Variants in ARHGAP26 observed in about 807,000 individuals in gnomAD.
ARHGAP26 encodes the protein rho GTPase-activating protein 26.
A neutral mutation model predicts 104.8 loss-of-function variants in ARHGAP26; 38 were observed. That is an observed-to-expected ratio of 0.36 (90% CI 0.28 to 0.48). The LOEUF (loss-of-function observed/expected upper bound fraction) is 0.48. Among genes scored for constraint, ARHGAP26 ranks in the 20% least tolerant of loss-of-function variants. ARHGAP26 has a pLI of 0.99. For synonymous variants in ARHGAP26, 341 were observed against 340.0 expected (o/e 1.00, Z -0.03); for missense variants, 704 against 947.9 (o/e 0.74, Z 3.38).
chr5:142,962,757 A>C (rs1770475528), intron 11 of ARHGAP26, among the ~76,000 whole-genome samples: 1 of 152,194 alleles, frequency 6.6e-6, no homozygotes, highest in African/African-American at 2.4e-5. Flanking sequence ...GAGGGTGGGC[A>C]CAACTTTTTC....
intron 17 of ARHGAP26, among the ~76,000 whole-genome samples, chr5:143,069,383 A>G (rs1304954185): frequency 6.6e-6 from 1 of 152,072 alleles, no homozygotes; most frequent in Non-Finnish European, 1.5e-5. Context: ...AGTGGAAAAT[A>G]TCCAGGTAAC....
chr5:143,209,915 C>T (rs1480717891), intron 21 of ARHGAP26, among the ~76,000 whole-genome samples: 4 of 152,112 alleles, frequency 2.6e-5, no homozygotes, highest in African/African-American at 9.7e-5. Context: ...TAGTGTATAG[C>T]AAAGAGGTGG....
intron 18 of ARHGAP26, among the ~76,000 whole-genome samples, chr5:143,133,220 C>CA (rs142568008): frequency 8.7e-5 from 13 of 149,790 alleles, no homozygotes; most frequent in South Asian, 4.2e-4. Context: ...GCCCCTCCTC[C>CA]AAAAAAAAAG....
chr5:143,180,435 A>G (rs773795888), intron 20 of ARHGAP26, among the ~76,000 whole-genome samples: 1 of 152,148 alleles, frequency 6.6e-6, no homozygotes, highest in Non-Finnish European at 1.5e-5. Flanking sequence ...TCTTAACTCC[A>G]GTTGATCTTG....
At chr5:142,913,477 A>T (rs552793365) in intron 10 of ARHGAP26, among the ~76,000 whole-genome samples, 184 bp downstream of exon 10, 9 of 143,678 alleles carry the variant, frequency 6.3e-5, no homozygotes, top group African/African-American at 2.4e-4. Flanking sequence ...TGCTGGATCC[A>T]GGCTATTGCT....
chr5:143,061,471 C>T (rs1038289899), intron 17 of ARHGAP26, among the ~76,000 whole-genome samples: 1 of 152,134 alleles, frequency 6.6e-6, no homozygotes, highest in African/African-American at 2.4e-5. Flanking sequence ...ATTAAAAATA[C>T]CTTTTCACAG....
At chr5:143,129,496 T>G (rs1244650171) in intron 18 of ARHGAP26, among the ~76,000 whole-genome samples, 1 of 152,186 alleles carries the variant, frequency 6.6e-6, no homozygotes, top group East Asian at 1.9e-4. Context: ...CTTCCCATTT[T>G]GTCCTCTGTC....
At chr5:143,144,241 G>A (rs979106328) in intron 19 of ARHGAP26, among the ~76,000 whole-genome samples, 2 of 152,140 alleles carry the variant, frequency 1.3e-5, no homozygotes, top group African/African-American at 4.8e-5. Context: ...GGGAAGTCTA[G>A]CTATGTTATT....
At chr5:143,050,136 C>G (rs1249775444) in intron 14 of ARHGAP26, among the ~76,000 whole-genome samples, 1 of 152,214 alleles carries the variant, frequency 6.6e-6, no homozygotes, top group Non-Finnish European at 1.5e-5. Context: ...CCACCTATCA[C>G]ATTGTTTCCC....
chr5:143,153,899 A>G (rs1220000339), intron 20 of ARHGAP26, among the ~76,000 whole-genome samples: 1 of 152,238 alleles, frequency 6.6e-6, no homozygotes, highest in African/African-American at 2.4e-5. Flanking sequence ...TAGTGGCCAG[A>G]GAACAGTCCC....
chr5:143,044,365 G>A (rs1418704297), intron 14 of ARHGAP26, among the ~76,000 whole-genome samples: 1 of 152,132 alleles, frequency 6.6e-6, no homozygotes, highest in African/African-American at 2.4e-5. Flanking sequence ...TTCTCTGTGG[G>A]AGTGTCCCAG....
chr5:143,153,527 G>GA (rs1800094094), intron 20 of ARHGAP26, among the ~76,000 whole-genome samples: 1 of 152,202 alleles, frequency 6.6e-6, no homozygotes, highest in Non-Finnish European at 1.5e-5. Flanking sequence ...CAAATGCTGA[G>GA]AAAGAAGTCA....
chr5:143,156,330 G>C (rs1211186475), intron 20 of ARHGAP26, among the ~76,000 whole-genome samples: 1 of 152,184 alleles, frequency 6.6e-6, no homozygotes, highest in Non-Finnish European at 1.5e-5. Context: ...CTCCTTCTCT[G>C]CATTAGGGAT....
intron 20 of ARHGAP26, among the ~76,000 whole-genome samples, chr5:143,186,946 A>G (rs557112570): frequency 1.1e-4 from 17 of 152,346 alleles, no homozygotes; most frequent in Admixed American, 1.1e-3. Context: ...TGGTACAAAT[A>G]CCAAGTCCTT....
chr5:142,815,189 T>C (rs569131917), intron 1 of ARHGAP26, among the ~76,000 whole-genome samples: 1 of 152,062 alleles, frequency 6.6e-6, no homozygotes, highest in East Asian at 1.9e-4. Flanking sequence ...TTAGTAGAGA[T>C]ATGGTTTCAC....
At chr5:142,832,177 A>G (rs1309329752) in intron 1 of ARHGAP26, among the ~76,000 whole-genome samples, 1 of 152,198 alleles carries the variant, frequency 6.6e-6, no homozygotes, top group African/African-American at 2.4e-5. Flanking sequence ...GTGAAGTGTT[A>G]TCTGTTTCCC....
chr5:143,075,381 G>A (rs1202396131), intron 17 of ARHGAP26, among the ~76,000 whole-genome samples: 3 of 151,062 alleles, frequency 2.0e-5, no homozygotes, highest in East Asian at 3.9e-4. Context: ...TGGCAAAGGG[G>A]AATAGACTTT....
At chr5:143,134,335 A>G (rs1252693070) in intron 19 of ARHGAP26, among the ~76,000 whole-genome samples, 1 of 152,232 alleles carries the variant, frequency 6.6e-6, no homozygotes, top group African/African-American at 2.4e-5. Context: ...TTCTCTTTCC[A>G]GATCACCTGT....
rs1044248659 is a variant in ARHGAP26, at chr5:143,224,288, C to T, written c.*1842C>T. The T allele has an allele frequency of 5.6e-5, 13 of 231,916 alleles. No individual in the cohort carries two copies. The Middle Eastern group carries it at 3.8e-3, about 69-fold the overall frequency. The allele number at this position is 231,916 out of a possible 1,614,324, so 14.4% of individuals were successfully genotyped here. On this transcript the variant is annotated 3_prime_UTR_variant, in exon 23 of 23. Transcript: ENST00000645722. ...TGAAGAGAGTCAAGGTCACTGTCCC[C>T]GCTTCGGCCTGAAGGAAAGAGAAGA...
Sources: gnomAD v4.1 joint callset for allele counts (sites outside exome capture counted in the v4.1 genomes callset) on GRCh38, gnomAD v4.1.1 for gene constraint, MANE v1.5 for transcripts, NCBI Gene and HGNC (gene_info 2026-07-23, HGNC 2026-07-21) for gene names.